The following TTLL3 variants were observed in gnomAD, a reference collection of about 807,000 sequenced individuals.
TTLL3 encodes tubulin monoglycylase TTLL3.
Under a neutral mutation model 75.2 loss-of-function variants are expected in TTLL3, and 63 were observed. The ratio of observed to expected loss-of-function variants is 0.84; its 90% CI spans 0.68 to 1.03. The LOEUF is 1.03. Among genes scored for constraint, TTLL3 ranks in the 50% least tolerant of loss-of-function variants. TTLL3 has a pLI of 0.00. For synonymous variants in TTLL3, 393 were observed against 418.5 expected, an observed-to-expected ratio of 0.94 and a Z score of 0.74; for missense variants, 997 against 1,069.9, an observed-to-expected ratio of 0.93 and a Z score of 0.95.
rs537123039 is a variant in TTLL3 at position 9,812,387 on chromosome 3, C to T, written c.49-556C>T. Among the ~76,000 whole-genome samples the T allele has an allele frequency of 1.3e-4, 20 of 152,246 alleles. No individual in the cohort carries two copies. In the South Asian group the frequency reaches 2.9e-3, roughly 22 times the overall value. Reference sequence around the variant, plus strand: ...AAAATTAGCCGGGCGCAGTGGCACACGCCTGTACTCCCAGCTACTGGGGAG... The same window carrying T: ...AAAATTAGCCGGGCGCAGTGGCACATGCCTGTACTCCCAGCTACTGGGGAG... On this transcript the variant is annotated intron_variant, in intron 2 of 13. Coordinates refer to ENST00000685419, the MANE Select transcript of TTLL3 (RefSeq NM_001387446.1).
Position 9,820,457 on chromosome 3 carries a change from G to A in TTLL3, c.659-89G>A, listed in dbSNP as rs2080305344. The A allele has an allele frequency of 5.7e-6, 9 of 1,566,436 alleles. No individual in the cohort carries two copies. The Admixed American group carries it at 1.4e-4, about 25-fold the overall frequency. Reference sequence around the variant, plus strand: ...TAGGTTCGTGCTGGGCCTCAGGTAAGTGACAGGCCTTAGGACAATGGGGGC... The same window carrying A: ...TAGGTTCGTGCTGGGCCTCAGGTAAATGACAGGCCTTAGGACAATGGGGGC... On this transcript the variant is annotated intron_variant, in intron 7 of 13. Coordinates refer to ENST00000685419, the MANE Select transcript of TTLL3 (RefSeq NM_001387446.1).
chr3:9,832,682 C>G (rs2081668681), intron 11 of TTLL3, among the ~76,000 whole-genome samples: 1 of 152,178 alleles, frequency 6.6e-6, no homozygotes, highest in South Asian at 2.1e-4. Context: ...ACCCCATAAC[C>G]TGGATTCACA....
In TTLL3 at chr3:9,810,765, T is replaced by C. The variant is rs1310358442; in HGVS notation, c.48+56T>C. ...GGCCCTGGGAGCGGCTCAGCCTGTC[T>C]CCCTGCGCTGTTTTCTTATATCCTT... On this transcript the variant is annotated intron_variant, in intron 2 of 13. Coordinates refer to ENST00000685419, the MANE Select transcript of TTLL3 (RefSeq NM_001387446.1). The surrounding 1 kb of genome is among the most constrained non-coding windows in gnomAD (Gnocchi z 4.4). The C allele has an allele frequency of 2.7e-6, 4 of 1,468,836 alleles. No homozygotes were observed. In the African/African-American group the frequency reaches 5.7e-5, roughly 21 times the overall value. The allele number at this position is 1,468,836 out of a possible 1,614,324, so 91.0% of individuals were successfully genotyped here. A position where few individuals can be genotyped will look rare whatever the true frequency, so the allele number is the denominator to read the frequency against.
chr3:9,828,908 G>A (rs1486167300), intron 10 of TTLL3, 52 bp from the exon 11 acceptor site: 1 of 1,597,324 alleles, frequency 6.3e-7, no homozygotes, highest in Admixed American at 1.7e-5. Flanking sequence ...CCCTGAGTTT[G>A]GATGGGAGAG....
At chr3:9,832,560 C>G (rs1445470203) in intron 11 of TTLL3, among the ~76,000 whole-genome samples, 2 of 152,226 alleles carry the variant, frequency 1.3e-5, no homozygotes, top group East Asian at 3.9e-4. Context: ...CTGATAGGAA[C>G]TGAGAGTTGT....
chr3:9,814,405 G>A (rs1575357655), intron 4 of TTLL3, among the ~76,000 whole-genome samples: 1 of 151,926 alleles, frequency 6.6e-6, no homozygotes, highest in Admixed American at 6.6e-5. Flanking sequence ...CAGCACTTTG[G>A]GAGGCCGAGG....
rs764208600 is a variant in TTLL3 at position 9,813,035 on chromosome 3, C to A, written c.141C>A (p.Arg47=). Residue 47 remains arginine (R), a synonymous_variant, in exon 3 of 14, where the codon CGC becomes CGA. Transcript: ENST00000685419. ...RGWVEKKMVH[R]SGPTLLPPQK... is the part of the protein sequence containing the mutation. ...GGGTGGAGAAGAAGATGGTCCATCG[C>A]TCAGGCCCCACCCTGCTGCCACCCC... 13 of 1,589,430 alleles carry A rather than the reference C, an allele frequency of 8.2e-6. No homozygotes were observed. Among genetic ancestry groups the A allele is most frequent in the Non-Finnish European group, 8.6e-6 (10 of 1,165,850 alleles).
In TTLL3 at chr3:9,825,865, T is replaced by G; in HGVS notation, c.920T>G (p.Leu307Arg). 6.2e-7 allele frequency: 1 copy of G among 1,614,174 alleles called. No individual in the cohort carries two copies. Among genetic ancestry groups the G allele is most frequent in the Non-Finnish European group, 8.5e-7 (1 of 1,180,022 alleles). The change falls in exon 9 of 14, where the codon CTG (leucine) becomes CGG (arginine). Residue 307 changes from leucine (L) to arginine (R), a missense_variant. By Grantham distance (102) the Leu-to-Arg change is moderately radical (BLOSUM62 -2). Transcript: ENST00000685419. ...CGCTGTGAGGACATCCTGCAGCAGCTGCAGGCCGTGGTACCCCAGATAGAC... is the reference window on the plus strand; with the variant it reads ...CGCTGTGAGGACATCCTGCAGCAGCGGCAGGCCGTGGTACCCCAGATAGAC... ...VQRCEDILQQ[L>R]QAVVPQIDME...
intron 10 of TTLL3, 38 bp downstream of exon 10, chr3:9,827,278 T>C: frequency 6.2e-7 from 1 of 1,604,344 alleles, no homozygotes; most frequent in East Asian, 2.2e-5. Context: ...GCTCCCTGCC[T>C]AGTTGGGGAG....
Position 9,835,587 on chromosome 3 carries a change from C to T in TTLL3, c.*98C>T. The T allele has an allele frequency of 8.1e-7, 1 of 1,239,920 alleles. No individual in the cohort carries two copies. Among genetic ancestry groups the T allele is most frequent in the Non-Finnish European group, 1.1e-6 (1 of 900,618 alleles). 76.8% of individuals were successfully genotyped at this position (1,239,920 alleles called of 1,614,324 possible). A position where few individuals can be genotyped will look rare whatever the true frequency, so the allele number is the denominator to read the frequency against. The stretch of plus-strand genomic sequence containing the variant: ...AGGGACTCCCCCAGCATCTCCGATC[C>T]AGGGGTGGGGAGCGTGAGCCTTCAC... On this transcript the variant is annotated 3_prime_UTR_variant, in exon 14 of 14. Coordinates refer to ENST00000685419, the MANE Select transcript of TTLL3 (RefSeq NM_001387446.1).
chr3:9,827,620 A>ATGAT, intron 10 of TTLL3: 1 of 246,238 alleles, frequency 4.1e-6, no homozygotes, highest in East Asian at 1.0e-4. Flanking sequence ...GTTGGTCTCA[A>ATGAT]ACTCCTGGGC....
intron 7 of TTLL3, chr3:9,820,331 G>T (rs938753257): frequency 6.3e-6 from 9 of 1,418,332 alleles, no homozygotes; most frequent in Non-Finnish European, 8.3e-6. Flanking sequence ...CGAGTGACAG[G>T]TCCTGGGACA....
chr3:9,811,664 C>T (rs2079364345), intron 2 of TTLL3, among the ~76,000 whole-genome samples: 1 of 152,250 alleles, frequency 6.6e-6, no homozygotes. Context: ...GCTCATGACA[C>T]TCTTAGTATG....
intron 7 of TTLL3, chr3:9,820,233 A>T: frequency 8.9e-7 from 1 of 1,127,914 alleles, no homozygotes; most frequent in Non-Finnish European, 1.1e-6. Context: ...GGTGCATTTT[A>T]GGCAGAGCCT....
intron 10 of TTLL3, 115 bp from the exon 11 acceptor site, chr3:9,828,845 C>T: frequency 7.3e-7 from 1 of 1,362,556 alleles, no homozygotes; most frequent in East Asian, 2.4e-5. Flanking sequence ...GGCCCCATCT[C>T]AAGTTGAATA....
At chr3:9,819,802 G>C (rs751344006) in intron 7 of TTLL3, 1 of 985,376 alleles carries the variant, frequency 1.0e-6, no homozygotes, top group African/African-American at 1.7e-5. Context: ...GCTGTCTCTT[G>C]TGTGTGTCAT....
rs927153318 is a variant in TTLL3 at position 9,825,686 on chromosome 3, C to G, written c.855-114C>G. On this transcript the variant is annotated intron_variant, in intron 8 of 13. Transcript: ENST00000685419. Reference sequence around the variant, plus strand: ...GACCTATGGATATCTGCAGGGAGGGCGTGACCAAGGCTGCCTGGATGACGG... The same window carrying G: ...GACCTATGGATATCTGCAGGGAGGGGGTGACCAAGGCTGCCTGGATGACGG... The G allele has an allele frequency of 1.9e-5, 30 of 1,583,474 alleles. No homozygotes were observed. In the East Asian group the frequency reaches 6.6e-4, roughly 35 times the overall value.
Position 9,810,818 on chromosome 3 carries a change from T to A in TTLL3, c.48+109T>A. 1 of 1,089,648 alleles carries A rather than the reference T, an allele frequency of 9.2e-7. No individual in the cohort carries two copies. Among genetic ancestry groups the A allele is most frequent in the Non-Finnish European group, 1.3e-6 (1 of 775,240 alleles). 67.5% of individuals were successfully genotyped at this position (1,089,648 alleles called of 1,614,324 possible). ...AAAACAAAAGCAAAAGAAAAAACAA[T>A]AGCAAAAATCCTCAACCACCACACC... On this transcript the variant is annotated intron_variant, in intron 2 of 13. Coordinates refer to ENST00000685419, the MANE Select transcript of TTLL3 (RefSeq NM_001387446.1). This position sits in a 1 kb window ranked among gnomAD's most constrained non-coding sequence, Gnocchi z 4.4.
At chr3:9,826,950 G>A in intron 9 of TTLL3, 47 bp from the exon 10 acceptor site, 2 of 1,611,308 alleles carry the variant, frequency 1.2e-6, no homozygotes, top group South Asian at 2.2e-5. Flanking sequence ...CCCTTCTCCT[G>A]GCCCACGCCT....
Sources: gnomAD v4.1 joint callset for allele counts (sites outside exome capture counted in the v4.1 genomes callset) on GRCh38, gnomAD v4.1.1 for gene constraint, Gnocchi (gnomAD v3.1) non-coding constraint, MANE v1.5 for transcripts, NCBI Gene and HGNC (gene_info 2026-07-23, HGNC 2026-07-21) for gene names.